The following MACROD2 variants were observed in gnomAD, a reference collection of about 807,000 sequenced individuals.
MACROD2 encodes mono-ADP ribosylhydrolase 2.
A neutral mutation model predicts 70.4 loss-of-function variants in MACROD2; 36 were observed. The ratio of observed to expected loss-of-function variants is 0.51; its 90% CI spans 0.39 to 0.68. The LOEUF (loss-of-function observed/expected upper bound fraction) is 0.68. Ranked by LOEUF, MACROD2 falls within the 30% of genes least tolerant of loss-of-function variation. MACROD2 has a pLI of 0.00. For synonymous variants in MACROD2, 172 were observed against 178.8 expected, an observed-to-expected ratio of 0.96 and a Z score of 0.30; for missense variants, 496 against 538.4, an observed-to-expected ratio of 0.92 and a Z score of 0.78.
intron 5 of MACROD2, among the ~76,000 whole-genome samples, chr20:14,903,281 T>A (rs979578320): frequency 2.6e-4 from 40 of 152,042 alleles, no homozygotes; most frequent in Admixed American, 2.6e-3. Context: ...TCACAGATGA[T>A]CCATCCGCCT....
chr20:14,579,643 C>T (rs1473031345), intron 4 of MACROD2, among the ~76,000 whole-genome samples: 1 of 152,030 alleles, frequency 6.6e-6, no homozygotes. Flanking sequence ...TAATTTGATT[C>T]TATTAACTTT....
chr20:15,053,100 G>A (rs2075455532), intron 5 of MACROD2, among the ~76,000 whole-genome samples: 2 of 152,164 alleles, frequency 1.3e-5, no homozygotes, highest in African/African-American at 4.8e-5. Context: ...GCTAGCAGAG[G>A]TCGGTTCCTG....
chr20:14,617,791 G>C (rs1257123445), intron 4 of MACROD2, among the ~76,000 whole-genome samples: 1 of 152,050 alleles, frequency 6.6e-6, no homozygotes, highest in Admixed American at 6.6e-5. Flanking sequence ...GCTTGTTACC[G>C]AAACCCTGAG....
At chr20:14,964,480 G>C (rs182671620) in intron 5 of MACROD2, among the ~76,000 whole-genome samples, 60 of 152,120 alleles carry the variant, frequency 3.9e-4, no homozygotes, top group African/African-American at 1.4e-3. Flanking sequence ...GGCTGAGGCA[G>C]AAGAATGGCG....
At chr20:14,327,251 CT>C in intron 3 of MACROD2, 1 of 1,613,748 alleles carries the variant, frequency 6.2e-7, no homozygotes. Flanking sequence ...TATATTCTTT[CT>C]ACTTTCAGCA....
chr20:14,811,060 G>A (rs144912241), intron 5 of MACROD2, among the ~76,000 whole-genome samples: 15,949 of 151,928 alleles, frequency 0.1, 1,237 homozygotes, highest in Non-Finnish European at 0.16. Context: ...GCTACCATTG[G>A]CTTTCTTCAC....
chr20:14,301,183 A>C (rs532760853), intron 3 of MACROD2, among the ~76,000 whole-genome samples: 11 of 152,314 alleles, frequency 7.2e-5, no homozygotes, highest in Non-Finnish European at 1.5e-4. Flanking sequence ...CAGGAAGGCT[A>C]ATTCTAGAAC....
chr20:14,272,646 A>G (rs1263511399), intron 3 of MACROD2, among the ~76,000 whole-genome samples: 1 of 151,486 alleles, frequency 6.6e-6, no homozygotes, highest in Non-Finnish European at 1.5e-5. Context: ...ACATAACAAT[A>G]TTAACTTTAA....
At chr20:14,331,553 A>T (rs2082840343) in intron 3 of MACROD2, among the ~76,000 whole-genome samples, 1 of 152,144 alleles carries the variant, frequency 6.6e-6, no homozygotes. Context: ...CAGGTTTCTT[A>T]GGAGAGAAGG....
chr20:15,965,392 A>C (rs965225884), intron 12 of MACROD2, among the ~76,000 whole-genome samples: 1 of 152,142 alleles, frequency 6.6e-6, no homozygotes, highest in Non-Finnish European at 1.5e-5. Flanking sequence ...TAAACTTGTA[A>C]ACTCGATGTA....
At chr20:15,832,755 C>T (rs998910144) in intron 8 of MACROD2, among the ~76,000 whole-genome samples, 6 of 152,202 alleles carry the variant, frequency 3.9e-5, no homozygotes, top group Admixed American at 1.3e-4. Flanking sequence ...GGCACCTGCT[C>T]AGTCAAATCT....
intron 5 of MACROD2, among the ~76,000 whole-genome samples, chr20:14,977,852 A>G (rs1457593466): frequency 1.3e-5 from 2 of 152,196 alleles, no homozygotes; most frequent in Admixed American, 6.5e-5. Flanking sequence ...GGCTTGGTGT[A>G]TGGATAATGG....
rs16996527 is a variant in MACROD2, at chr20:15,783,155, T to C, written c.646-79590T>C. On this transcript the variant is annotated intron_variant, in intron 8 of 17. Transcript: ENST00000684519. ...TTGACTGACTATTGAGGATGACAAG[T>C]CTATACAGTCTATCCATGTTTTCTA... Among the ~76,000 whole-genome samples, 1,095 of 152,228 alleles carry C rather than the reference T, an allele frequency of 7.2e-3. 15 individuals carry two copies. The highest frequency in any genetic ancestry group is 0.025 in the African/African-American group (1,031 of 41,564).
chr20:15,478,439 G>A (rs1300457629), intron 7 of MACROD2, among the ~76,000 whole-genome samples: 1 of 152,106 alleles, frequency 6.6e-6, no homozygotes. Context: ...CTTGTCTACT[G>A]ATGATGCATG....
At chr20:14,169,391 G>A (rs1002934392) in intron 3 of MACROD2, among the ~76,000 whole-genome samples, 9 of 152,046 alleles carry the variant, frequency 5.9e-5, no homozygotes, top group East Asian at 1.9e-4. Context: ...TGCAACCTCC[G>A]CCTACTGTGT....
intron 3 of MACROD2, among the ~76,000 whole-genome samples, chr20:14,365,373 C>T (rs1361033630): frequency 2.7e-5 from 4 of 150,738 alleles, no homozygotes; most frequent in African/African-American, 2.4e-5. Context: ...AAATAACATA[C>T]TTATATTGTT....
chr20:15,091,653 C>G (rs2075794015), intron 5 of MACROD2, among the ~76,000 whole-genome samples: 1 of 152,024 alleles, frequency 6.6e-6, no homozygotes, highest in South Asian at 2.1e-4. Flanking sequence ...TTTCTTACCA[C>G]AGTAGTTGTT....
At chr20:15,276,309 A>C (rs545993400) in intron 6 of MACROD2, among the ~76,000 whole-genome samples, 9 of 151,198 alleles carry the variant, frequency 6.0e-5, no homozygotes, top group Admixed American at 2.0e-4. Context: ...CTGAGGTAGG[A>C]GAAGGGCGTG....
intron 3 of MACROD2, among the ~76,000 whole-genome samples, chr20:14,147,910 GA>G (rs201465040): frequency 0.024 from 3,560 of 150,166 alleles, 41 homozygotes; most frequent in African/African-American, 0.03. Context: ...TACAGTGTCT[GA>G]AAAAAAAAGT....
Sources: gnomAD v4.1 joint callset for allele counts (sites outside exome capture counted in the v4.1 genomes callset) on GRCh38, gnomAD v4.1.1 for gene constraint, MANE v1.5 for transcripts, NCBI Gene and HGNC (gene_info 2026-07-23, HGNC 2026-07-21) for gene names.